The following PMFBP1 variants were observed in gnomAD, a reference collection of about 807,000 sequenced individuals.
The protein encoded by PMFBP1 is polyamine-modulated factor 1-binding protein 1.
PMFBP1 carries 131 observed loss-of-function variants against 137.8 expected under a neutral mutation model. That is an observed-to-expected ratio of 0.95 (90% CI 0.82 to 1.10). PMFBP1 has a LOEUF of 1.10. PMFBP1 is among the 50% of genes least tolerant of loss of function. The pLI, the probability that PMFBP1 is intolerant of heterozygous loss-of-function variation, is 0.00. For synonymous variants in PMFBP1, 490 were observed against 450.4 expected (o/e 1.09, Z -1.11); for missense variants, 1,199 against 1,175.4 (o/e 1.02, Z -0.29).
At chr16:72,199,040 T>G in the PMFBP1 span, among the ~76,000 whole-genome samples, 1 of 152,222 alleles carries the variant, frequency 6.6e-6, no homozygotes, top group Non-Finnish European at 1.5e-5. Context: ...GAGGCTTTGT[T>G]TTCTGTGCTC....
At chr16:72,234,511 A>G in the PMFBP1 span, among the ~76,000 whole-genome samples, 1 of 152,198 alleles carries the variant, frequency 6.6e-6, no homozygotes, top group South Asian at 2.1e-4. Flanking sequence ...AGCAACTGGC[A>G]TGTGCACCCA....
rs1395884537 is a variant in PMFBP1 at position 72,130,306 on chromosome 16, A to C, written c.1689T>G (p.Leu563=). The C allele has an allele frequency of 6.2e-7, 1 of 1,614,014 alleles. No individual in the cohort carries two copies. The highest frequency in any genetic ancestry group is 1.3e-5 in the African/African-American group (1 of 74,880). The change falls in exon 12 of 21, where the codon CTT becomes CTG. Residue 563 remains leucine (L), a synonymous_variant. Coordinates refer to ENST00000237353, the MANE Select transcript of PMFBP1 (RefSeq NM_031293.3). ...SLELSEALRK[L]ENSDKEKRQL... Reference sequence around the variant, plus strand: ...GCCTCTTTTCCTTGTCTGAATTTTCAAGCTTCCTCAGGGCTTCAGAGAGTT... The same window carrying C: ...GCCTCTTTTCCTTGTCTGAATTTTCCAGCTTCCTCAGGGCTTCAGAGAGTT...
chr16:72,145,391 G>A (rs1339814578), intron 5 of PMFBP1, among the ~76,000 whole-genome samples: 1 of 152,160 alleles, frequency 6.6e-6, no homozygotes, highest in Non-Finnish European at 1.5e-5. Context: ...AGTGTGTAGA[G>A]GGAAATTTAT....
intron 5 of PMFBP1, among the ~76,000 whole-genome samples, chr16:72,142,322 G>A (rs2042735977): frequency 6.6e-6 from 1 of 152,110 alleles, no homozygotes; most frequent in Non-Finnish European, 1.5e-5. Flanking sequence ...TAATTTAGAA[G>A]GAATAGGAGA....
the PMFBP1 span, among the ~76,000 whole-genome samples, chr16:72,230,501 A>G: frequency 6.6e-6 from 1 of 152,134 alleles, no homozygotes; most frequent in Non-Finnish European, 1.5e-5. Flanking sequence ...AGATGGACCA[A>G]CTGCCTAGAT....
At chr16:72,139,256 C>T (rs1458546958) in intron 7 of PMFBP1, 33 bp downstream of exon 7, 1 of 1,503,862 alleles carries the variant, frequency 6.6e-7, no homozygotes, top group South Asian at 1.1e-5. Context: ...TCAGCCCGAT[C>T]CCAGTAGGCA....
rs192471073 is a variant in PMFBP1, at chr16:72,138,988, C to A, written c.918+301G>T. 1.2e-3 allele frequency among the ~76,000 whole-genome samples: 183 copies of A among 151,500 alleles called. 1 individual carries two copies. The highest frequency in any genetic ancestry group is 1.4e-3 in the Non-Finnish European group (92 of 67,996). On this transcript the variant is annotated intron_variant, in intron 7 of 20. Coordinates refer to ENST00000237353, the MANE Select transcript of PMFBP1 (RefSeq NM_031293.3). ...TAAATTAGTACTTTTCAACTCCAGC[C>A]AGACACGAGGAGGCTAGATGGTCCT... is the stretch of plus-strand genomic sequence containing the variant.
the PMFBP1 span, among the ~76,000 whole-genome samples, chr16:72,223,481 C>G: frequency 6.6e-6 from 1 of 152,200 alleles, no homozygotes; most frequent in African/African-American, 2.4e-5. Context: ...ATGGCCCTAA[C>G]AGTTGTTTAC....
upstream of PMFBP1, among the ~76,000 whole-genome samples, chr16:72,173,411 G>A (rs2043238709): frequency 6.6e-6 from 1 of 152,236 alleles, no homozygotes; most frequent in Non-Finnish European, 1.5e-5. Context: ...TGATTTTCTA[G>A]ATTGTGATGG....
the PMFBP1 span, among the ~76,000 whole-genome samples, chr16:72,200,278 G>A: frequency 6.6e-6 from 1 of 152,212 alleles, no homozygotes; most frequent in African/African-American, 2.4e-5. Context: ...TCCTTTAACT[G>A]GCAGAGTAAA....
the PMFBP1 span, among the ~76,000 whole-genome samples, chr16:72,184,112 C>T: frequency 2.0e-5 from 3 of 152,176 alleles, no homozygotes; most frequent in African/African-American, 4.8e-5. Flanking sequence ...ACGGCTCCTT[C>T]GCTTCCTTGG....
the PMFBP1 span, among the ~76,000 whole-genome samples, chr16:72,207,710 ATGTGTG>A: frequency 1.7e-4 from 24 of 144,026 alleles, 1 homozygote; most frequent in South Asian, 1.8e-3. Flanking sequence ...CCAGTAGGGC[ATGTGTG>A]TGTGTGTGTG....
Position 72,151,946 on chromosome 16 carries a change from C to T in PMFBP1, c.415-1117G>A, listed in dbSNP as rs569699320. Among the ~76,000 whole-genome samples the T allele has an allele frequency of 1.1e-4, 16 of 152,200 alleles. No individual in the cohort carries two copies. In the South Asian group the frequency reaches 2.1e-3, roughly 20 times the overall value. On this transcript the variant is annotated intron_variant, in intron 4 of 20. Coordinates refer to ENST00000237353, the MANE Select transcript of PMFBP1 (RefSeq NM_031293.3). ...GGGGGTTAACGCCCTCAGGAGCAGC[C>T]CTCAACCAATGACTGGGGGTATGTT...
the PMFBP1 span, among the ~76,000 whole-genome samples, chr16:72,188,436 CTGGTGG>C: frequency 6.6e-6 from 1 of 152,210 alleles, no homozygotes; most frequent in South Asian, 2.1e-4. Context: ...CACCTGGCAC[CTGGTGG>C]GTGGATTGAG....
chr16:72,248,915 G>C, the PMFBP1 span, among the ~76,000 whole-genome samples: 1 of 152,198 alleles, frequency 6.6e-6, no homozygotes, highest in Non-Finnish European at 1.5e-5. Context: ...GACTCACCGA[G>C]TGCAGAGCAG....
At chr16:72,162,074 G>A (rs1286575469) in intron 3 of PMFBP1, among the ~76,000 whole-genome samples, 1 of 152,148 alleles carries the variant, frequency 6.6e-6, no homozygotes, top group Admixed American at 6.5e-5. Context: ...TGCTCAAAAG[G>A]CCCTTTCTTT....
chr16:72,154,097 G>A lies in PMFBP1; in HGVS notation c.414+114C>T, dbSNP rs1399139025. On this transcript the variant is annotated intron_variant, in intron 4 of 20. Transcript: ENST00000237353. Reference sequence around the variant, plus strand: ...TAAAGGGGGAAGGTTTATAAAACCTGCTCGGGATGTTGCAAAGCTCTCCTA... The same window carrying A: ...TAAAGGGGGAAGGTTTATAAAACCTACTCGGGATGTTGCAAAGCTCTCCTA... 9.4e-6 allele frequency: 13 copies of A among 1,383,118 alleles called. No individual in the cohort carries two copies. The Admixed American group carries it at 2.9e-4, about 30-fold the overall frequency. The allele number at this position is 1,383,118 out of a possible 1,614,324, so 85.7% of individuals were successfully genotyped here.
Position 72,121,044 on chromosome 16 carries a change from T to G in PMFBP1, c.2769-955A>C. On this transcript the variant is annotated intron_variant, in intron 19 of 20. Coordinates refer to ENST00000237353, the MANE Select transcript of PMFBP1 (RefSeq NM_031293.3). ...ACAGGAGAACTCAAGAGTGAGTTCT[T>G]TGTGAAAGAGAACTTCCTGGACTTG... is the stretch of plus-strand genomic sequence containing the variant. Among the ~76,000 whole-genome samples the G allele has an allele frequency of 1.3e-5, 2 of 152,200 alleles. 1 individual carries two copies. The highest frequency in any genetic ancestry group is 2.9e-5 in the Non-Finnish European group (2 of 68,036).
chr16:72,226,286 T>C, the PMFBP1 span, among the ~76,000 whole-genome samples: 1 of 152,186 alleles, frequency 6.6e-6, no homozygotes, highest in Non-Finnish European at 1.5e-5. Context: ...TTTCCAGTGA[T>C]AATAATTAGA....
Sources: gnomAD v4.1 joint callset for allele counts (sites outside exome capture counted in the v4.1 genomes callset) on GRCh38, gnomAD v4.1.1 for gene constraint, MANE v1.5 for transcripts, NCBI Gene and HGNC (gene_info 2026-07-23, HGNC 2026-07-21) for gene names.